SYT13: variants seen among roughly 807,000 people sequenced by gnomAD.
SYT13 encodes synaptotagmin-13.
A neutral mutation model predicts 38.6 loss-of-function variants in SYT13; 21 were observed. The ratio of observed to expected loss-of-function variants is 0.54; its 90% CI spans 0.39 to 0.78. The LOEUF (loss-of-function observed/expected upper bound fraction) is 0.78. Among genes scored for constraint, SYT13 ranks in the 30% least tolerant of loss-of-function variants. The pLI, the probability that SYT13 is intolerant of heterozygous loss-of-function variation, is 0.00. For missense variants in SYT13, 495 were observed against 548.7 expected (o/e 0.90, Z 0.98); for synonymous variants, 241 against 237.6 (o/e 1.01, Z -0.13).
intron 1 of SYT13, among the ~76,000 whole-genome samples, chr11:45,277,612 C>T (rs990161145): frequency 6.6e-6 from 1 of 152,128 alleles, no homozygotes; most frequent in African/African-American, 2.4e-5. Context: ...TGGCTTTTCC[C>T]CAGGCCCTCG....
intron 1 of SYT13, among the ~76,000 whole-genome samples, chr11:45,263,295 C>T (rs1366837442): frequency 1.3e-5 from 2 of 152,096 alleles, no homozygotes; most frequent in African/African-American, 4.8e-5. Flanking sequence ...GTTGGAAAAC[C>T]AAAACTTAAT....
At position 45,283,578 on chromosome 11, in the gene SYT13, A is replaced by G. The variant is rs548950442; in HGVS notation, c.183+2447T>C. Among the ~76,000 whole-genome samples, 6 of 152,368 alleles carry G rather than the reference A, an allele frequency of 3.9e-5. No homozygotes were observed. The South Asian group carries it at 1.2e-3, about 32-fold the overall frequency. On this transcript the variant is annotated intron_variant, in intron 1 of 5. Coordinates refer to ENST00000020926, the MANE Select transcript of SYT13 (RefSeq NM_020826.3). ...GTGGCTGAATGAATCTGAGAACAAC[A>G]GCAACCAAGTCATTGTGAGATCTCA...
In SYT13 at chr11:45,252,331, C is replaced by T; in HGVS notation, c.846+90G>A. The T allele has an allele frequency of 6.9e-7, 1 of 1,452,314 alleles. No individual in the cohort carries two copies. The highest frequency in any genetic ancestry group is 1.4e-5 in the South Asian group (1 of 72,768). The allele number at this position is 1,452,314 out of a possible 1,614,324, so 90.0% of individuals were successfully genotyped here. On this transcript the variant is annotated intron_variant, in intron 4 of 5. Coordinates refer to ENST00000020926, the MANE Select transcript of SYT13 (RefSeq NM_020826.3). This position sits in a 1 kb window ranked among gnomAD's most constrained non-coding sequence, Gnocchi z 4.3. ...CCAGGGAGGTCTCTGAGGCTTGTTC[C>T]CTAAGACTGAGTTGCTGGGAGGACA...
Position 45,252,635 on chromosome 11 carries a change from G to T in SYT13, c.632C>A (p.Ala211Asp). ...GGTGTGCAGCTGCCGCTTCTTTAGG[G>T]CTGTCTGAGCCTCCACAGAGCCGGT... ...NRTGSVEAQT[A>D]LKKRQLHTTW... Residue 211 changes from alanine (A) to aspartate (D), a missense_variant, in exon 4 of 6, where the codon GCC becomes GAC. Ala to Asp is a moderately radical substitution (Grantham distance 126). Transcript: ENST00000020926. This position sits in a 1 kb window ranked among gnomAD's most constrained non-coding sequence, Gnocchi z 4.3. 1.2e-6 allele frequency: 2 copies of T among 1,614,010 alleles called. No homozygotes were observed. Among genetic ancestry groups the T allele is most frequent in the Non-Finnish European group, 1.7e-6 (2 of 1,179,888 alleles).
At position 45,243,968 on chromosome 11, in the gene SYT13, G is replaced by T; in HGVS notation, c.*84C>A. On this transcript the variant is annotated 3_prime_UTR_variant, in exon 6 of 6. Coordinates refer to ENST00000020926, the MANE Select transcript of SYT13 (RefSeq NM_020826.3). The stretch of plus-strand genomic sequence containing the variant: ...ACACATCTGTCACTGTCTTCTGGGT[G>T]TCAGAATGAGGAAAGGGGCACAGAA... 1 of 1,398,778 alleles carries T rather than the reference G, an allele frequency of 7.1e-7. No individual in the cohort carries two copies. The highest frequency in any genetic ancestry group is 2.1e-5 in the Admixed American group (1 of 47,988). 86.6% of individuals were successfully genotyped at this position (1,398,778 alleles called of 1,614,324 possible).
chr11:45,275,846 TG>T (rs1293065423), intron 1 of SYT13, among the ~76,000 whole-genome samples: 1 of 151,948 alleles, frequency 6.6e-6, no homozygotes, highest in Non-Finnish European at 1.5e-5. Context: ...GGCTAAAGCT[TG>T]GGGGAACAGA....
At chr11:45,250,242 T>G (rs1290521669) in intron 4 of SYT13, among the ~76,000 whole-genome samples, 1 of 152,330 alleles carries the variant, frequency 6.6e-6, no homozygotes, top group East Asian at 1.9e-4. Context: ...TCAAAGTGGT[T>G]GTGAGTACAT....
In SYT13 at chr11:45,252,059, G is replaced by C. The variant is rs1459467227; in HGVS notation, c.846+362C>G. On this transcript the variant is annotated intron_variant, in intron 4 of 5. Transcript: ENST00000020926. The surrounding 1 kb of genome is among the most constrained non-coding windows in gnomAD (Gnocchi z 4.3). ...ACCTACACAAACGGAGGAAGGTAGAGTGTCCTGCAGTGTCTGCCACATCGT... is the reference window on the plus strand; with the variant it reads ...ACCTACACAAACGGAGGAAGGTAGACTGTCCTGCAGTGTCTGCCACATCGT... Among the ~76,000 whole-genome samples, 8 of 152,230 alleles carry C rather than the reference G, an allele frequency of 5.3e-5. No individual in the cohort carries two copies. Among genetic ancestry groups the C allele is most frequent in the Non-Finnish European group, 1.2e-4 (8 of 68,040 alleles).
intron 2 of SYT13, 96 bp downstream of exon 2, chr11:45,255,570 G>A (rs1199619981): frequency 1.7e-5 from 21 of 1,226,596 alleles, no homozygotes; most frequent in Admixed American, 4.5e-5. Flanking sequence ...CGGGGCACTC[G>A]GCCTCCTCAT....
At chr11:45,256,206 C>T (rs1854745351) in intron 1 of SYT13, among the ~76,000 whole-genome samples, 1 of 152,116 alleles carries the variant, frequency 6.6e-6, no homozygotes, top group South Asian at 2.1e-4. Context: ...TCATCTGCTC[C>T]CCTTGCCTCT....
chr11:45,278,840 C>T (rs1341113321), intron 1 of SYT13, among the ~76,000 whole-genome samples: 1 of 152,186 alleles, frequency 6.6e-6, no homozygotes, highest in African/African-American at 2.4e-5. Context: ...ATGTGCTCAT[C>T]TCCCTGAAAG....
chr11:45,255,931 C>T, intron 1 of SYT13, 40 bp from the exon 2 acceptor site: 2 of 1,600,112 alleles, frequency 1.2e-6, no homozygotes, highest in Non-Finnish European at 1.7e-6. Context: ...ACAAAGGAGC[C>T]CTCTTGTCTG....
In SYT13 at chr11:45,252,696, A is replaced by G. The variant is rs780753026; in HGVS notation, c.571T>C (p.Cys191Arg). Residue 191 changes from cysteine to arginine, a missense_variant, in exon 4 of 6, where the codon TGT (cysteine) becomes CGT (arginine). Cys to Arg is a radical substitution (Grantham distance 180). Coordinates refer to ENST00000020926, the MANE Select transcript of SYT13 (RefSeq NM_020826.3). This position sits in a 1 kb window ranked among gnomAD's most constrained non-coding sequence, Gnocchi z 4.3. ...EAVTSNHDGGCDCYVQGSVAN... is the reference protein window; with the variant it reads ...EAVTSNHDGGRDCYVQGSVAN... ...ACACTCCCTTGGACGTAGCAGTCAC[A>G]GCCTCCGTCGTGGTTGCTGGTCACA... 7 of 1,585,670 alleles carry G rather than the reference A, an allele frequency of 4.4e-6. No homozygotes were observed. In the Admixed American group the frequency reaches 1.0e-4, roughly 23 times the overall value.
rs1854545454 is a variant in SYT13, at chr11:45,241,121, A to G, written c.*2931T>C. On this transcript the variant is annotated 3_prime_UTR_variant, in exon 6 of 6. Transcript: ENST00000020926. ...GAGAGCAATGAGTTGCCATTAGGCA[A>G]ATAGTAATACTCATTGTCATGAATT... is the stretch of plus-strand genomic sequence containing the variant. 1 of 152,204 alleles carries G rather than the reference A, an allele frequency of 6.6e-6. No individual in the cohort carries two copies. The highest frequency in any genetic ancestry group is 2.1e-4 in the South Asian group (1 of 4,836). The allele number at this position is 152,204 out of a possible 1,614,324, so 9.4% of individuals were successfully genotyped here. A position where few individuals can be genotyped will look rare whatever the true frequency, so the allele number is the denominator to read the frequency against.
At chr11:45,285,652 G>C (rs1042902461) in intron 1 of SYT13, among the ~76,000 whole-genome samples, 3 of 151,882 alleles carry the variant, frequency 2.0e-5, no homozygotes, top group Admixed American at 6.6e-5. Context: ...TACCTCTCAG[G>C]GTCTTCCCTA....
At chr11:45,268,650 T>C (rs1307169211) in intron 1 of SYT13, among the ~76,000 whole-genome samples, 1 of 152,166 alleles carries the variant, frequency 6.6e-6, no homozygotes, top group African/African-American at 2.4e-5. Flanking sequence ...GTTAATAAGA[T>C]GCAGAACTGG....
intron 1 of SYT13, among the ~76,000 whole-genome samples, chr11:45,273,482 G>T (rs1264556053): frequency 6.8e-6 from 1 of 147,884 alleles, no homozygotes; most frequent in East Asian, 2.0e-4. Flanking sequence ...AGAAAATGGG[G>T]ATAGGCTTGG....
intron 1 of SYT13, among the ~76,000 whole-genome samples, chr11:45,257,990 C>CAT (rs1854768944): frequency 6.6e-6 from 1 of 152,236 alleles, no homozygotes. Context: ...AGAAACACTG[C>CAT]ACAGTAGATT....
intron 4 of SYT13, among the ~76,000 whole-genome samples, chr11:45,248,060 C>T (rs1854634003): frequency 6.6e-6 from 1 of 152,216 alleles, no homozygotes; most frequent in South Asian, 2.1e-4. Flanking sequence ...TCCAATCCTA[C>T]CATTTACTAC....
Sources: allele counts gnomAD v4.1 joint callset (sites outside exome capture counted in the v4.1 genomes callset), GRCh38; gene constraint gnomAD v4.1.1; non-coding constraint Gnocchi (gnomAD v3.1); transcripts MANE v1.5; gene names NCBI Gene and HGNC (gene_info 2026-07-23, HGNC 2026-07-21).